Variants in SLCO1C1 observed in about 807,000 individuals in gnomAD.
The protein encoded by SLCO1C1 is OAT-RP-5.
Under a neutral mutation model 76.4 loss-of-function variants are expected in SLCO1C1, and 70 were observed. That is an observed-to-expected ratio of 0.92 (90% CI 0.76 to 1.12). The LOEUF is 1.12. Ranked by LOEUF, SLCO1C1 falls within the 50% of genes most tolerant of loss-of-function variation. The pLI, the probability that SLCO1C1 is intolerant of heterozygous loss-of-function variation, is 0.00. For missense variants in SLCO1C1, 912 were observed against 823.8 expected (o/e 1.11, Z -1.31); for synonymous variants, 306 against 286.1 (o/e 1.07, Z -0.70).
Position 20,740,244 on chromosome 12 carries a change from A to T in SLCO1C1, c.1609A>T (p.Ile537Leu). 2 of 1,613,934 alleles carry T rather than the reference A, an allele frequency of 1.2e-6. No homozygotes were observed. The highest frequency in any genetic ancestry group is 4.5e-5 in the East Asian group (2 of 44,836). ...TTCTAAATCCGGAAATTCCTCAGGC[A>T]TAGTGGGAAGATGTCAGAAAGACAA... is the stretch of plus-strand genomic sequence containing the variant. ...AASKSGNSSG[I>L]VGRCQKDNGC... is the part of the protein sequence containing the mutation. Residue 537 changes from isoleucine (I) to leucine (L), a missense_variant, in exon 12 of 15, where the codon ATA becomes TTA. Physicochemically the swap from Ile to Leu is conservative, Grantham distance 5. Coordinates refer to ENST00000266509, the MANE Select transcript of SLCO1C1 (RefSeq NM_017435.5).
chr12:20,711,003 C>T (rs1328176559), intron 4 of SLCO1C1, among the ~76,000 whole-genome samples: 2 of 150,470 alleles, frequency 1.3e-5, no homozygotes, highest in African/African-American at 2.5e-5. Flanking sequence ...TTCCCTGGGC[C>T]ACATTGGAAG....
intron 9 of SLCO1C1, among the ~76,000 whole-genome samples, chr12:20,730,212 A>C (rs1367874013): frequency 6.6e-6 from 1 of 152,208 alleles, no homozygotes; most frequent in Non-Finnish European, 1.5e-5. Context: ...GATGGAATTG[A>C]GAGAGAAAAT....
At chr12:20,733,838 A>G (rs1199716992) in intron 10 of SLCO1C1, among the ~76,000 whole-genome samples, 3 of 152,112 alleles carry the variant, frequency 2.0e-5, no homozygotes, top group Non-Finnish European at 4.4e-5. Context: ...CTCTCAATAC[A>G]AGGTTGAATC....
chr12:20,718,153 T>C (rs758589267), intron 7 of SLCO1C1, among the ~76,000 whole-genome samples: 2 of 152,184 alleles, frequency 1.3e-5, no homozygotes, highest in African/African-American at 2.4e-5. Flanking sequence ...AATCCACTGA[T>C]GGATTTTAGA....
intron 9 of SLCO1C1, among the ~76,000 whole-genome samples, chr12:20,730,081 T>A (rs1948198655): frequency 6.6e-6 from 1 of 152,152 alleles, no homozygotes; most frequent in Non-Finnish European, 1.5e-5. Flanking sequence ...TGTTATTACT[T>A]CTTACGTCCA....
intron 9 of SLCO1C1, 150 bp downstream of exon 9, chr12:20,723,404 A>G (rs1947780819): frequency 2.1e-6 from 2 of 948,600 alleles, no homozygotes; most frequent in South Asian, 3.6e-5. Context: ...TTGTAGCAAG[A>G]ATTATTCACA....
intron 2 of SLCO1C1, 50 bp from the exon 3 acceptor site, chr12:20,701,268 T>C: frequency 7.1e-7 from 1 of 1,410,490 alleles, no homozygotes; most frequent in South Asian, 1.8e-5. Context: ...TAGTTTCCAA[T>C]TGTGTGTCAA....
At chr12:20,724,191 GAAAT>G (rs1245594098) in intron 9 of SLCO1C1, among the ~76,000 whole-genome samples, 2 of 151,492 alleles carry the variant, frequency 1.3e-5, no homozygotes, top group Non-Finnish European at 3.0e-5. Context: ...CTGACCTAAA[GAAAT>G]ATTTTGTGGC....
intron 11 of SLCO1C1, 47 bp from the exon 12 acceptor site, chr12:20,740,137 A>T (rs980888635): frequency 6.6e-7 from 1 of 1,507,482 alleles, no homozygotes; most frequent in Non-Finnish European, 9.0e-7. Flanking sequence ...CTTTAACTTT[A>T]TTTAAATGTT....
intron 9 of SLCO1C1, among the ~76,000 whole-genome samples, chr12:20,730,790 A>G (rs1840846884): frequency 6.6e-6 from 1 of 152,166 alleles, no homozygotes; most frequent in Non-Finnish European, 1.5e-5. Context: ...CTTTGTTATC[A>G]TCTGTACATG....
chr12:20,699,826 GC>G (rs1342904361), intron 2 of SLCO1C1, 121 bp downstream of exon 2: 1 of 1,174,786 alleles, frequency 8.5e-7, no homozygotes, highest in East Asian at 2.9e-5. Flanking sequence ...GATCTTAGAT[GC>G]AATTTACTAA....
At chr12:20,720,329 C>A (rs531940064) in intron 7 of SLCO1C1, among the ~76,000 whole-genome samples, 2 of 152,264 alleles carry the variant, frequency 1.3e-5, no homozygotes, top group Non-Finnish European at 2.9e-5. Context: ...CCATTTTATA[C>A]CCCATGGATC....
intron 10 of SLCO1C1, among the ~76,000 whole-genome samples, chr12:20,736,716 C>T (rs1948563035): frequency 6.6e-6 from 1 of 152,090 alleles, no homozygotes; most frequent in Non-Finnish European, 1.5e-5. Context: ...TGCACACACA[C>T]AACACACACA....
At chr12:20,697,023 T>G (rs74065149) in intron 1 of SLCO1C1, 150 of 152,236 alleles carry the variant, frequency 9.9e-4, no homozygotes, top group African/African-American at 3.6e-3. Context: ...GTGATTTTTG[T>G]GTCAACACCT....
chr12:20,752,305 G>A lies in SLCO1C1; in HGVS notation c.1917-1G>A. 6.5e-7 allele frequency: 1 copy of A among 1,545,642 alleles called. No homozygotes were observed. Among genetic ancestry groups the A allele is most frequent in the Middle Eastern group, 1.8e-4 (1 of 5,678 alleles). ...ATAACAGAGATTCTCTCTTCTTCTA[G>A]ACATATATATCTGGGACTAACTGTG... On this transcript the variant is annotated splice_acceptor_variant, in intron 14 of 14. Transcript: ENST00000266509. LOFTEE classifies it high-confidence loss of function.
At chr12:20,705,410 T>C (rs1946725110) in intron 3 of SLCO1C1, among the ~76,000 whole-genome samples, 1 of 152,024 alleles carries the variant, frequency 6.6e-6, no homozygotes, top group East Asian at 1.9e-4. Context: ...AATCTTTTTG[T>C]ACAAAGTTTA....
At chr12:20,737,343 T>A in intron 11 of SLCO1C1, 71 bp downstream of exon 11, 1 of 1,455,046 alleles carries the variant, frequency 6.9e-7, no homozygotes, top group Non-Finnish European at 9.1e-7. Context: ...CTATGGGGGC[T>A]CACAGCAGAC....
In SLCO1C1 at chr12:20,722,062, C is replaced by T. The variant is rs67046345; in HGVS notation, c.1021+13C>T. On this transcript the variant is annotated intron_variant, in intron 8 of 14. Coordinates refer to ENST00000266509, the MANE Select transcript of SLCO1C1 (RefSeq NM_017435.5). ...GAAATGGCAAGAGGTAAGTCAAATT[C>T]TTGATTTTGAAGTATTTTCATTTTT... is the stretch of plus-strand genomic sequence containing the variant. The T allele has an allele frequency of 5.1e-5, 82 of 1,607,174 alleles. No individual in the cohort carries two copies. The highest frequency in any genetic ancestry group is 6.8e-5 in the Non-Finnish European group (80 of 1,177,272).
chr12:20,731,380 A>G (rs1435279842), intron 9 of SLCO1C1, among the ~76,000 whole-genome samples: 1 of 140,752 alleles, frequency 7.1e-6, no homozygotes, highest in Non-Finnish European at 1.6e-5. Flanking sequence ...CTAAATATAT[A>G]AACTTAAAAA....
Sources: gnomAD v4.1 joint callset for allele counts (sites outside exome capture counted in the v4.1 genomes callset) on GRCh38, gnomAD v4.1.1 for gene constraint, MANE v1.5 for transcripts, NCBI Gene and HGNC (gene_info 2026-07-23, HGNC 2026-07-21) for gene names.